The following ADGRG2 variants were observed in gnomAD, a reference collection of about 807,000 sequenced individuals.
ADGRG2 encodes adhesion G protein-coupled receptor G2.
ADGRG2 carries 26 observed loss-of-function variants against 74.1 expected under a neutral mutation model. The ratio of observed to expected loss-of-function variants is 0.35; its 90% CI spans 0.26 to 0.49. The LOEUF is 0.49. Ranked by LOEUF, ADGRG2 falls within the 20% of genes least tolerant of loss-of-function variation. The pLI is 0.99. For missense variants in ADGRG2, 619 were observed against 763.1 expected (o/e 0.81, Z 2.22); for synonymous variants, 296 against 295.2 (o/e 1.00, Z -0.03).
chrX:19,037,087 T>C (rs1381816427), intron 6 of ADGRG2, among the ~76,000 whole-genome samples: 2 of 112,525 alleles, frequency 1.8e-5, no homozygotes, highest in East Asian at 2.8e-4. Flanking sequence ...TTGAACACAC[T>C]GTGCCTCCAA....
intron 12 of ADGRG2, 71 bp from the exon 13 acceptor site, chrX:19,023,524 A>T: frequency 3.4e-6 from 2 of 596,697 alleles, no homozygotes; most frequent in Non-Finnish European, 5.4e-6. Context: ...AGAAAAGAAG[A>T]CCTAAGGCTA....
chrX:19,092,429 A>G (rs1235584119), intron 1 of ADGRG2, among the ~76,000 whole-genome samples: 4 of 110,158 alleles, frequency 3.6e-5, no homozygotes, highest in African/African-American at 1.3e-4. Flanking sequence ...AATTAACCAG[A>G]CAGAGCAGCT....
intron 1 of ADGRG2, among the ~76,000 whole-genome samples, chrX:19,088,387 CAACTT>C (rs1442994323): frequency 8.9e-6 from 1 of 112,240 alleles, no homozygotes; most frequent in Non-Finnish European, 1.9e-5. Context: ...CTAATTAACT[CAACTT>C]CTCTTTCCAC....
chrX:19,050,782 C>T (rs989880281), intron 3 of ADGRG2, among the ~76,000 whole-genome samples: 15 of 111,669 alleles, frequency 1.3e-4, no homozygotes, highest in African/African-American at 4.6e-4. Flanking sequence ...ATCATTTCAA[C>T]CTGGGCATCT....
chrX:19,113,076 T>C (rs888122632), intron 1 of ADGRG2, among the ~76,000 whole-genome samples: 1 of 105,117 alleles, frequency 9.5e-6, no homozygotes, highest in Admixed American at 1.0e-4. Context: ...ACATGACAAC[T>C]AGATGCAACA....
At chrX:19,019,480 T>G (rs1376491708) in intron 15 of ADGRG2, 119 bp downstream of exon 15, 5 of 466,538 alleles carry the variant, frequency 1.1e-5, no homozygotes, top group African/African-American at 9.8e-5. Context: ...TGCAGAAAAC[T>G]GCATTTTCCC....
At chrX:18,997,602 T>C (rs1006317186) in intron 26 of ADGRG2, among the ~76,000 whole-genome samples, 27 of 112,707 alleles carry the variant, frequency 2.4e-4, no homozygotes, top group Non-Finnish European at 4.1e-4. Flanking sequence ...GTGTAACACC[T>C]GGATATACCA....
intron 3 of ADGRG2, among the ~76,000 whole-genome samples, chrX:19,059,384 G>A (rs2061450173): frequency 9.0e-6 from 1 of 111,437 alleles, no homozygotes; most frequent in Non-Finnish European, 1.9e-5. Flanking sequence ...GTTTCTTTCT[G>A]GGTAACCTAG....
At chrX:19,008,675 GA>G (rs890606845) in intron 18 of ADGRG2, among the ~76,000 whole-genome samples, 4 of 109,053 alleles carry the variant, frequency 3.7e-5, no homozygotes, top group South Asian at 7.9e-4. Context: ...CAAAAAAAAA[GA>G]AAAAAAAGGA....
At chrX:19,084,506 G>A (rs1299675296) in intron 1 of ADGRG2, among the ~76,000 whole-genome samples, 1 of 111,864 alleles carries the variant, frequency 8.9e-6, no homozygotes, top group Non-Finnish European at 1.9e-5. Flanking sequence ...ATGTTGTCCT[G>A]TCCTACGATG....
chrX:19,063,312 C>T (rs1337666233), intron 3 of ADGRG2, among the ~76,000 whole-genome samples: 2 of 111,613 alleles, frequency 1.8e-5, no homozygotes, highest in African/African-American at 6.5e-5. Context: ...CAGCTCACCC[C>T]AGGCTCCCTC....
At chrX:19,110,928 A>C (rs2062402178) in intron 1 of ADGRG2, among the ~76,000 whole-genome samples, 5 of 111,334 alleles carry the variant, frequency 4.5e-5, no homozygotes, top group African/African-American at 1.6e-4. Flanking sequence ...TTAAGAAGAT[A>C]CTCTAGCTGC....
At chrX:19,120,636 C>G (rs765035932) in intron 1 of ADGRG2, among the ~76,000 whole-genome samples, 2 of 111,506 alleles carry the variant, frequency 1.8e-5, no homozygotes, top group Admixed American at 9.6e-5. Flanking sequence ...TCTCTTTCCA[C>G]GTATGGTGAC....
chrX:19,116,506 CAAA>C (rs10677696), intron 1 of ADGRG2, among the ~76,000 whole-genome samples: 1 of 24,020 alleles, frequency 4.2e-5, no homozygotes, highest in Non-Finnish European at 8.1e-5. Flanking sequence ...GATTCCGTCT[CAAA>C]AAAAAAAAAA....
At chrX:19,021,650 T>A (rs1454551974) in intron 13 of ADGRG2, among the ~76,000 whole-genome samples, 1 of 111,137 alleles carries the variant, frequency 9.0e-6, no homozygotes, top group Non-Finnish European at 1.9e-5. Flanking sequence ...AGATCTTTTT[T>A]TCTTTTTTTG....
At chrX:19,052,905 G>A (rs763943115) in intron 3 of ADGRG2, among the ~76,000 whole-genome samples, 5 of 111,039 alleles carry the variant, frequency 4.5e-5, no homozygotes, top group African/African-American at 1.3e-4. Context: ...ATATTGGCCA[G>A]GCTAGTTTCG....
intron 13 of ADGRG2, among the ~76,000 whole-genome samples, chrX:19,021,881 C>T (rs1399265904): frequency 2.7e-5 from 3 of 110,312 alleles, no homozygotes; most frequent in African/African-American, 9.8e-5. Flanking sequence ...CACCTGACCT[C>T]AGGTGATCTG....
intron 1 of ADGRG2, among the ~76,000 whole-genome samples, chrX:19,093,904 C>T (rs1472362634): frequency 2.2e-5 from 1 of 45,369 alleles, no homozygotes; most frequent in Non-Finnish European, 3.7e-5. Context: ...TGTAGGTATA[C>T]ACACACACAC....
chrX:19,024,613 C>G (rs375051168), intron 11 of ADGRG2, among the ~76,000 whole-genome samples: 2 of 112,170 alleles, frequency 1.8e-5, no homozygotes, highest in African/African-American at 3.2e-5. Flanking sequence ...TTGGTTGTTA[C>G]GCTGAGGAGG....
Sources: allele counts gnomAD v4.1 joint callset (sites outside exome capture counted in the v4.1 genomes callset), GRCh38; gene constraint gnomAD v4.1.1; transcripts MANE v1.5; gene names NCBI Gene and HGNC (gene_info 2026-07-23, HGNC 2026-07-21).